Variants in GRB10 observed in about 807,000 individuals in gnomAD.
GRB10 encodes the protein growth factor receptor-bound protein 10.
A neutral mutation model predicts 80.9 loss-of-function variants in GRB10; 20 were observed. That is an observed-to-expected ratio of 0.25 (90% CI 0.17 to 0.36). The LOEUF (loss-of-function observed/expected upper bound fraction) is 0.36, where lower values mean the gene tolerates loss of function less well. Among genes scored for constraint, GRB10 ranks in the 10% least tolerant of loss-of-function variants. The pLI is 1.00. For missense variants in GRB10, 548 were observed against 747.7 expected (o/e 0.73, Z 3.12); for synonymous variants, 291 against 291.5 (o/e 1.00, Z 0.02).
intron 6 of GRB10, among the ~76,000 whole-genome samples, chr7:50,670,110 G>A (rs184937976): frequency 6.6e-6 from 1 of 152,308 alleles, no homozygotes; most frequent in Non-Finnish European, 1.5e-5. Context: ...CATGAAAAAG[G>A]AAGCACATTC....
At chr7:50,784,509 C>T (rs1369426281), upstream of GRB10, among the ~76,000 whole-genome samples, 1 of 152,190 alleles carries the variant, frequency 6.6e-6, no homozygotes, top group Non-Finnish European at 1.5e-5. Flanking sequence ...TGGGCTAGAA[C>T]AACAGGTTGT....
At chr7:50,602,120 G>A (rs1318308451) in intron 17 of GRB10, among the ~76,000 whole-genome samples, 4 of 146,082 alleles carry the variant, frequency 2.7e-5, no homozygotes, top group South Asian at 2.3e-4. Flanking sequence ...ACACAAACTC[G>A]TTCTAAAAAT....
intron 2 of GRB10, among the ~76,000 whole-genome samples, chr7:50,765,781 A>T (rs1283104583): frequency 7.9e-5 from 12 of 152,356 alleles, no homozygotes; most frequent in Admixed American, 7.2e-4. Context: ...TAAGGTGACT[A>T]CCGTCTACAA....
chr7:50,667,664 A>G (rs1056508247), intron 7 of GRB10, among the ~76,000 whole-genome samples: 5 of 130,432 alleles, frequency 3.8e-5, no homozygotes, highest in South Asian at 2.2e-4. Flanking sequence ...GCAAGTCGGG[A>G]AAAAAAAAAA....
chr7:50,784,938 A>G (rs2078631040), upstream of GRB10, among the ~76,000 whole-genome samples: 1 of 152,258 alleles, frequency 6.6e-6, no homozygotes, highest in Admixed American at 6.5e-5. Context: ...GCCCCATTTC[A>G]TCCCGGGTCC....
chr7:50,747,162 T>C (rs1335352789), intron 3 of GRB10, among the ~76,000 whole-genome samples: 2 of 152,132 alleles, frequency 1.3e-5, no homozygotes, highest in Non-Finnish European at 2.9e-5. Flanking sequence ...CTTCTCACTC[T>C]CACAGTCATG....
intron 2 of GRB10, among the ~76,000 whole-genome samples, chr7:50,777,189 T>C (rs560632142): frequency 6.6e-6 from 1 of 152,290 alleles, no homozygotes; most frequent in East Asian, 1.9e-4. Context: ...GCTTCCAAGA[T>C]GGTGCCTTGT....
rs2060915510 is a variant in GRB10, at chr7:50,676,270, G to A, written c.140-1612C>T. ...TAGCTCTGGGCCCAGGGCCCAGGAC[G>A]TGGGCTTCCTATTTCTTAAGAGTCC... On this transcript the variant is annotated intron_variant, in intron 5 of 18. Transcript: ENST00000401949. Among the ~76,000 whole-genome samples the A allele has an allele frequency of 3.4e-5, 5 of 147,908 alleles. No individual in the cohort carries two copies. In the South Asian group the frequency reaches 1.1e-3, roughly 32 times the overall value.
chr7:50,779,402 T>G (rs1210375035), intron 2 of GRB10: 1 of 152,254 alleles, frequency 6.6e-6, no homozygotes, highest in Non-Finnish European at 1.5e-5. Flanking sequence ...ATATTTAACT[T>G]GTATCAGAAC....
chr7:50,776,590 G>A (rs1181450880), intron 2 of GRB10, among the ~76,000 whole-genome samples: 2 of 152,068 alleles, frequency 1.3e-5, no homozygotes. Context: ...AAGCAATTAA[G>A]AGAAGTCATG....
At chr7:50,631,124 A>G (rs989648548) in intron 7 of GRB10, among the ~76,000 whole-genome samples, 3 of 152,140 alleles carry the variant, frequency 2.0e-5, no homozygotes, top group African/African-American at 7.2e-5. Context: ...TGTCAATCTT[A>G]GCACAGACCC....
chr7:50,739,119 A>G (rs2071303894), intron 3 of GRB10, among the ~76,000 whole-genome samples: 1 of 152,208 alleles, frequency 6.6e-6, no homozygotes, highest in Admixed American at 6.5e-5. Flanking sequence ...CAATGCCAAT[A>G]TTTACACTTC....
intron 1 of GRB10, among the ~76,000 whole-genome samples, chr7:50,789,372 C>T (rs1264168590): frequency 3.9e-5 from 6 of 152,224 alleles, no homozygotes; most frequent in African/African-American, 1.4e-4. Context: ...TGCATCGTGC[C>T]AATCACACAC....
At chr7:50,677,725 A>G (rs1313256931) in intron 5 of GRB10, among the ~76,000 whole-genome samples, 4 of 152,226 alleles carry the variant, frequency 2.6e-5, no homozygotes, top group African/African-American at 9.6e-5. Flanking sequence ...TAACAGCTCA[A>G]TATTTCTATC....
At chr7:50,730,067 G>A (rs747321684) in intron 4 of GRB10, among the ~76,000 whole-genome samples, 4 of 152,020 alleles carry the variant, frequency 2.6e-5, no homozygotes, top group South Asian at 2.1e-4. Context: ...CCAAAACTTC[G>A]GTATGGAAAC....
At chr7:50,792,301 G>A (rs1032082153) in intron 1 of GRB10, 3 of 388,730 alleles carry the variant, frequency 7.7e-6, no homozygotes, top group Non-Finnish European at 1.4e-5. Flanking sequence ...TCTTTCAAAC[G>A]CATTGTAAAG....
At chr7:50,772,033 C>T (rs1022119427) in intron 2 of GRB10, among the ~76,000 whole-genome samples, 2 of 152,204 alleles carry the variant, frequency 1.3e-5, no homozygotes, top group African/African-American at 4.8e-5. Context: ...AAACCTGGTA[C>T]TGAAGTACAA....
rs550233025 is a variant in GRB10 at position 50,669,461 on chromosome 7, A to G, written c.504+261T>C. ...GACAGCACCAAGCCATGAGGAATCT[A>G]CCCCTAAGATCCAATCACCTCCCAC... On this transcript the variant is annotated intron_variant, in intron 7 of 18. Coordinates refer to ENST00000401949, the MANE Select transcript of GRB10 (RefSeq NM_001350814.2). Among the ~76,000 whole-genome samples the G allele has an allele frequency of 2.0e-5, 3 of 152,238 alleles. No individual in the cohort carries two copies. In the South Asian group the frequency reaches 6.2e-4, roughly 32 times the overall value.
chr7:50,625,823 T>G (rs1179315034), intron 8 of GRB10, among the ~76,000 whole-genome samples: 1 of 152,256 alleles, frequency 6.6e-6, no homozygotes, highest in Non-Finnish European at 1.5e-5. Context: ...TACACTGCAT[T>G]ATTTAGGCTT....
Sources: allele counts gnomAD v4.1 joint callset (sites outside exome capture counted in the v4.1 genomes callset), GRCh38; gene constraint gnomAD v4.1.1; transcripts MANE v1.5; gene names NCBI Gene and HGNC (gene_info 2026-07-23, HGNC 2026-07-21).